The following SMG6 variants were observed in gnomAD, a reference collection of about 807,000 sequenced individuals.
SMG6 encodes SMG6 nonsense mediated mRNA decay factor, also known as telomerase-binding protein EST1A.
SMG6 carries 66 observed loss-of-function variants against 142.2 expected under a neutral mutation model. The observed-to-expected ratio is 0.46, with a 90% confidence interval of 0.38 to 0.57. SMG6 has a LOEUF of 0.57. SMG6 is among the 20% of genes least tolerant of loss of function. SMG6 has a pLI of 0.00. For missense variants in SMG6, 1,793 were observed against 1,832.0 expected (o/e 0.98, Z 0.39); for synonymous variants, 779 against 702.4 (o/e 1.11, Z -1.72).
intron 4 of SMG6, 145 bp from the exon 5 acceptor site, chr17:2,293,122 T>C: frequency 4.9e-6 from 3 of 616,338 alleles, no homozygotes; most frequent in Non-Finnish European, 8.6e-6. Flanking sequence ...AGCCTAAACC[T>C]GACTACCAAA....
chr17:2,075,782 G>T (rs2068240946), intron 15 of SMG6, among the ~76,000 whole-genome samples: 1 of 152,272 alleles, frequency 6.6e-6, no homozygotes, highest in Admixed American at 6.5e-5. Context: ...CAGGCAACAA[G>T]ACAGAGCGTG....
At chr17:2,096,410 T>C (rs1376657916) in intron 13 of SMG6, among the ~76,000 whole-genome samples, 3 of 152,240 alleles carry the variant, frequency 2.0e-5, no homozygotes, top group African/African-American at 7.2e-5. Context: ...GGTTTCACCA[T>C]GTTGGCCAGG....
rs1233281835 is a variant in SMG6 at position 2,244,713 on chromosome 17, T to G, written c.2668A>C (p.Lys890Gln). ...LGSLSPSDLN[K>Q]RFILSFLHAH... The stretch of plus-strand genomic sequence containing the variant: ...TGGAGAAAACTGAGGATGAACCTTT[T>G]GTTCAGCTGCATGGGAAAAAGGGAG... The change falls in exon 9 of 19, where the codon AAA becomes CAA. Residue 890 changes from lysine (K) to glutamine (Q), a missense_variant. Physicochemically the swap from Lys to Gln is moderately conservative, Grantham distance 53. Coordinates refer to ENST00000263073, the MANE Select transcript of SMG6 (RefSeq NM_017575.5). 6.2e-7 allele frequency: 1 copy of G among 1,613,852 alleles called. No homozygotes were observed.
chr17:2,217,020 G>C (rs2073038495), intron 10 of SMG6, among the ~76,000 whole-genome samples: 1 of 152,108 alleles, frequency 6.6e-6, no homozygotes, highest in South Asian at 2.1e-4. Flanking sequence ...AGAAACACTG[G>C]CAATCAGTGG....
In SMG6 at chr17:2,156,625, C is replaced by A. The variant is rs566338885; in HGVS notation, c.3357+16033G>T. Among the ~76,000 whole-genome samples, 7 of 152,192 alleles carry A rather than the reference C, an allele frequency of 4.6e-5. 1 individual carries two copies. In the East Asian group the frequency reaches 1.4e-3, roughly 29 times the overall value. On this transcript the variant is annotated intron_variant, in intron 13 of 18. Transcript: ENST00000263073. ...TGAAATGCCAAGCCCAAACAGCAAG[C>A]CTTTCCCTCCTGTCTCTGTTTTGTT...
intron 13 of SMG6, among the ~76,000 whole-genome samples, chr17:2,111,704 C>T (rs762927659): frequency 2.4e-4 from 36 of 152,186 alleles, no homozygotes; most frequent in Non-Finnish European, 4.7e-4. Context: ...GTGCCTGGCC[C>T]GAAAGGTCCT....
chr17:2,176,821 T>G (rs145861351), intron 12 of SMG6, among the ~76,000 whole-genome samples: 2 of 152,276 alleles, frequency 1.3e-5, no homozygotes, highest in African/African-American at 4.8e-5. Flanking sequence ...GTTACAAGTA[T>G]GCACTCAGAA....
At chr17:2,115,815 C>G (rs2069487316) in intron 13 of SMG6, among the ~76,000 whole-genome samples, 2 of 152,066 alleles carry the variant, frequency 1.3e-5, no homozygotes, top group South Asian at 4.2e-4. Flanking sequence ...CCTCGAACTC[C>G]CGGGTCCAAG....
intron 10 of SMG6, among the ~76,000 whole-genome samples, chr17:2,211,666 T>TA (rs58516730): frequency 0.014 from 1,836 of 135,166 alleles, 44 homozygotes; most frequent in South Asian, 0.04. Flanking sequence ...TCCATCTAAT[T>TA]AAAAAAAAAA....
chr17:2,236,499 C>A lies in SMG6; in HGVS notation c.2862G>T (p.Gln954His), dbSNP rs745348854. Residue 954 changes from glutamine to histidine, a missense_variant, in exon 10 of 19, where the codon CAG becomes CAT. By Grantham distance (24) the Gln-to-His change is conservative. Transcript: ENST00000263073. Reference protein sequence around the residue: ...TINMFAVHNSQLKDCFSEECR... With the variant: ...TINMFAVHNSHLKDCFSEECR... Reference sequence around the variant, plus strand: ...AAACTAAACATGCCTTACCTTTCAGCTGGGAGTTGTGTACTGCAAACATAT... The same window carrying A: ...AAACTAAACATGCCTTACCTTTCAGATGGGAGTTGTGTACTGCAAACATAT... The A allele has an allele frequency of 1.2e-6, 2 of 1,612,224 alleles. No individual in the cohort carries two copies. The highest frequency in any genetic ancestry group is 2.2e-5 in the South Asian group (2 of 90,468).
intron 13 of SMG6, among the ~76,000 whole-genome samples, chr17:2,114,690 G>T (rs200058208): frequency 6.6e-6 from 1 of 151,750 alleles, no homozygotes; most frequent in Non-Finnish European, 1.5e-5. Context: ...GCACTTTGGG[G>T]GGCCAAGGCG....
intron 13 of SMG6, among the ~76,000 whole-genome samples, chr17:2,096,756 CACAAG>C (rs368544975): frequency 0.12 from 18,459 of 151,836 alleles, 2,583 homozygotes; most frequent in African/African-American, 0.35. Flanking sequence ...ATCCTGGGCA[CACAAG>C]ACAAGACAAG....
intron 10 of SMG6, among the ~76,000 whole-genome samples, chr17:2,230,238 G>GAAA (rs1272246613): frequency 6.8e-5 from 2 of 29,420 alleles, no homozygotes; most frequent in African/African-American, 1.3e-4. Flanking sequence ...GAAAGGAAAA[G>GAAA]AAAAGTGTCC....
At chr17:2,297,482 A>G in intron 3 of SMG6, 129 bp from the exon 4 acceptor site, 1 of 669,728 alleles carries the variant, frequency 1.5e-6, no homozygotes, top group Admixed American at 3.0e-5. Flanking sequence ...GGAGGCACGC[A>G]CAATATTCAC....
chr17:2,181,159 C>T (rs1370771126), intron 12 of SMG6, among the ~76,000 whole-genome samples: 1 of 152,180 alleles, frequency 6.6e-6, no homozygotes, highest in African/African-American at 2.4e-5. Context: ...ACAAAAGCAC[C>T]ATACCTTTGC....
chr17:2,220,604 T>C (rs531851034), intron 10 of SMG6, among the ~76,000 whole-genome samples: 2 of 152,344 alleles, frequency 1.3e-5, no homozygotes, highest in African/African-American at 4.8e-5. Flanking sequence ...TACTCCAGCC[T>C]GGGCAACACA....
At chr17:2,274,455 T>G (rs138284914) in intron 8 of SMG6, among the ~76,000 whole-genome samples, 2 of 151,670 alleles carry the variant, frequency 1.3e-5, no homozygotes, top group Admixed American at 1.3e-4. Flanking sequence ...ATAAATAAAA[T>G]AGATAATGAT....
chr17:2,288,751 C>A (rs1249314251), intron 6 of SMG6, among the ~76,000 whole-genome samples: 1 of 151,078 alleles, frequency 6.6e-6, no homozygotes, highest in Non-Finnish European at 1.5e-5. Flanking sequence ...GATAACATGG[C>A]GAAATCCCGT....
intron 1 of SMG6, chr17:2,303,310 T>C: frequency 1.8e-6 from 2 of 1,127,878 alleles, no homozygotes; most frequent in Non-Finnish European, 2.2e-6. Flanking sequence ...CCCACTCCTT[T>C]CCGCGTCTCC....
Sources: gnomAD v4.1 joint callset for allele counts (sites outside exome capture counted in the v4.1 genomes callset) on GRCh38, gnomAD v4.1.1 for gene constraint, MANE v1.5 for transcripts, NCBI Gene and HGNC (gene_info 2026-07-23, HGNC 2026-07-21) for gene names.